CCDC178: variants seen among roughly 807,000 people sequenced by gnomAD.
The protein encoded by CCDC178 is coiled-coil domain-containing protein 178.
In CCDC178, 126 loss-of-function variants were observed where a neutral mutation model predicts 117.4. The ratio of observed to expected loss-of-function variants is 1.07; its 90% CI spans 0.93 to 1.24. CCDC178 has a LOEUF of 1.24. Ranked by LOEUF, CCDC178 falls within the 50% of genes most tolerant of loss-of-function variation. The pLI is 0.00. For missense variants in CCDC178, 1,030 were observed against 986.9 expected (o/e 1.04, Z -0.59); for synonymous variants, 283 against 313.4 (o/e 0.90, Z 1.02).
At chr18:33,261,081 C>CTGTTTGTT (rs10687374) in intron 14 of CCDC178, among the ~76,000 whole-genome samples, 6,585 of 149,388 alleles carry the variant, frequency 0.044, 476 homozygotes, top group African/African-American at 0.15. Flanking sequence ...TTTTTTTTTT[C>CTGTTTGTT]TGTTTGTTTG....
intron 21 of CCDC178, among the ~76,000 whole-genome samples, chr18:32,988,705 G>C (rs1434861858): frequency 6.6e-6 from 1 of 151,774 alleles, no homozygotes; most frequent in Non-Finnish European, 1.5e-5. Context: ...GAGTTCTTAG[G>C]AAAGACCAAT....
intron 21 of CCDC178, among the ~76,000 whole-genome samples, chr18:33,039,400 C>T (rs551796171): frequency 1.2e-4 from 18 of 151,908 alleles, no homozygotes; most frequent in Non-Finnish European, 2.2e-4. Context: ...GATAGAAAGA[C>T]TGAAAATCAC....
intron 21 of CCDC178, among the ~76,000 whole-genome samples, chr18:32,995,833 T>C (rs186159249): frequency 3.5e-4 from 53 of 152,074 alleles, no homozygotes; most frequent in African/African-American, 1.2e-3. Context: ...AAAGATGCTA[T>C]AGGAGAATAT....
At chr18:33,407,758 T>C (rs2081709133) in intron 3 of CCDC178, among the ~76,000 whole-genome samples, 1 of 151,954 alleles carries the variant, frequency 6.6e-6, no homozygotes, top group African/African-American at 2.4e-5. Flanking sequence ...AACAGAAAGC[T>C]TGAGTAGTAC....
intron 21 of CCDC178, among the ~76,000 whole-genome samples, chr18:33,018,644 T>C (rs2056048417): frequency 1.3e-5 from 2 of 152,122 alleles, no homozygotes; most frequent in South Asian, 2.1e-4. Context: ...CGAAAGGCTA[T>C]ATCTACATAC....
Position 33,328,082 on chromosome 18 carries a change from G to GTTTTTTTTTTTTTTTTTTTTTTTTT in CCDC178, c.880-4450_880-4449insAAAAAAAAAAAAAAAAAAAAAAAAA, listed in dbSNP as rs2062609334. The GTTTTTTTTTTTTTTTTTTTTTTTTT allele has an allele frequency of 6.2e-5, 15 of 242,036 alleles. 5 individuals carry two copies. Among genetic ancestry groups the GTTTTTTTTTTTTTTTTTTTTTTTTT allele is most frequent in the African/African-American group, 4.6e-4 (14 of 30,354 alleles). 15.0% of individuals were successfully genotyped at this position (242,036 alleles called of 1,614,324 possible). ...CCAAGGTCATAAAGATTTATCCCTA[G>GTTTTTTTTTTTTTTTTTTTTTTTTT]ATTTTTTTTTTTTTTTTTTTTTTTT... On this transcript the variant is annotated intron_variant, in intron 10 of 22. Coordinates refer to ENST00000383096, the MANE Select transcript of CCDC178 (RefSeq NM_001105528.4).
chr18:33,256,999 T>TG (rs1178740744), intron 14 of CCDC178, among the ~76,000 whole-genome samples: 1 of 152,124 alleles, frequency 6.6e-6, no homozygotes, highest in African/African-American at 2.4e-5. Context: ...AAATTTTTGC[T>TG]GATAAATTAA....
intron 21 of CCDC178, among the ~76,000 whole-genome samples, chr18:33,052,954 C>A (rs564836812): frequency 6.6e-6 from 1 of 152,262 alleles, no homozygotes; most frequent in East Asian, 1.9e-4. Context: ...TATATAGAAA[C>A]TTTCCACCCT....
intron 12 of CCDC178, among the ~76,000 whole-genome samples, chr18:33,280,496 C>T (rs902709115): frequency 6.6e-6 from 1 of 151,754 alleles, no homozygotes; most frequent in African/African-American, 2.4e-5. Flanking sequence ...CACTTTTACA[C>T]TGTTGGTGGG....
chr18:33,189,781 G>A (rs1229836705), intron 20 of CCDC178, among the ~76,000 whole-genome samples: 1 of 152,168 alleles, frequency 6.6e-6, no homozygotes, highest in African/African-American at 2.4e-5. Flanking sequence ...ACTCGGTTTA[G>A]TTGGGAACTA....
At chr18:33,256,501 C>T (rs1048851776) in intron 14 of CCDC178, among the ~76,000 whole-genome samples, 2 of 151,976 alleles carry the variant, frequency 1.3e-5, no homozygotes, top group African/African-American at 4.8e-5. Context: ...CATGCCAGGC[C>T]TTTAATTTCT....
intron 2 of CCDC178, among the ~76,000 whole-genome samples, chr18:33,421,822 T>C (rs569876223): frequency 5.9e-5 from 9 of 152,312 alleles, no homozygotes; most frequent in African/African-American, 2.4e-5. Context: ...GTCATAAAAA[T>C]GGACTGGTAG....
intron 21 of CCDC178, among the ~76,000 whole-genome samples, chr18:33,004,021 A>G (rs2055698425): frequency 6.6e-6 from 1 of 152,122 alleles, no homozygotes; most frequent in African/African-American, 2.4e-5. Flanking sequence ...AAAGAAATTG[A>G]AAAGGACACA....
intron 21 of CCDC178, among the ~76,000 whole-genome samples, chr18:33,019,925 T>C (rs895314662): frequency 2.3e-5 from 3 of 130,366 alleles, no homozygotes; most frequent in Admixed American, 8.0e-5. Context: ...ATTATTATTA[T>C]TATTATTATT....
intron 20 of CCDC178, among the ~76,000 whole-genome samples, chr18:33,154,919 A>G (rs1338429330): frequency 6.6e-6 from 1 of 152,180 alleles, no homozygotes. Flanking sequence ...AAACAAATCT[A>G]TAATCATAGT....
intron 11 of CCDC178, among the ~76,000 whole-genome samples, chr18:33,308,002 G>A (rs2062281495): frequency 6.6e-6 from 1 of 152,260 alleles, no homozygotes; most frequent in African/African-American, 2.4e-5. Context: ...CAGTGCAGAA[G>A]AGGAATGTGG....
chr18:33,035,747 T>C lies in CCDC178; in HGVS notation c.2388+57014A>G, dbSNP rs75813597. On this transcript the variant is annotated intron_variant, in intron 21 of 22. Coordinates refer to ENST00000383096, the MANE Select transcript of CCDC178 (RefSeq NM_001105528.4). ...TTTGATTGTGGTAATCATTACATAT[T>C]GCATAAGTATTAATATATCAAATCA... is the stretch of plus-strand genomic sequence containing the variant. Among the ~76,000 whole-genome samples the C allele has an allele frequency of 5.3e-5, 8 of 152,108 alleles. No individual in the cohort carries two copies. In the East Asian group the frequency reaches 1.5e-3, roughly 29 times the overall value.
intron 20 of CCDC178, among the ~76,000 whole-genome samples, chr18:33,139,299 G>T (rs1215144333): frequency 6.6e-6 from 1 of 152,162 alleles, no homozygotes; most frequent in Non-Finnish European, 1.5e-5. Context: ...GTAGAGTGGG[G>T]TGTTGCTGAA....
Position 33,096,124 on chromosome 18 carries a change from C to A in CCDC178, c.2239-3214G>T, listed in dbSNP as rs112437489. Among the ~76,000 whole-genome samples the A allele has an allele frequency of 1.5e-4, 22 of 150,932 alleles. No homozygotes were observed. The East Asian group carries it at 1.6e-3, about 11-fold the overall frequency. ...TAGTAGTTCTACTCCCCACCCCCCC[C>A]ACTTGACTTTTCTTGTTCTTTAAGC... On this transcript the variant is annotated intron_variant, in intron 20 of 22. Transcript: ENST00000383096.
Sources: gnomAD v4.1 joint callset for allele counts (sites outside exome capture counted in the v4.1 genomes callset) on GRCh38, gnomAD v4.1.1 for gene constraint, MANE v1.5 for transcripts, NCBI Gene and HGNC (gene_info 2026-07-23, HGNC 2026-07-21) for gene names.